HSPA4: variants seen among roughly 807,000 people sequenced by gnomAD.
HSPA4 encodes the protein heat shock 70 kDa protein 4.
HSPA4 carries 25 observed loss-of-function variants against 106.2 expected under a neutral mutation model. The ratio of observed to expected loss-of-function variants is 0.24; its 90% confidence interval spans 0.17 to 0.33. The LOEUF is 0.33. HSPA4 is among the 10% of genes least tolerant of loss of function. HSPA4 has a pLI of 1.00. For synonymous variants in HSPA4, 332 were observed against 333.6 expected (o/e 1.00, Z 0.05); for missense variants, 841 against 996.0 (o/e 0.84, Z 2.10).
chr5:133,075,594 T>A (rs1324484199), intron 6 of HSPA4, among the ~76,000 whole-genome samples: 1 of 152,060 alleles, frequency 6.6e-6, no homozygotes, highest in Non-Finnish European at 1.5e-5. Flanking sequence ...CTCTGGAGGC[T>A]GAGGTGGGGG....
Position 133,089,575 on chromosome 5 carries a change from T to G in HSPA4, c.1258T>G (p.Phe420Val). 1 of 1,613,282 alleles carries G rather than the reference T, an allele frequency of 6.2e-7. No individual in the cohort carries two copies. The highest frequency in any genetic ancestry group is 2.2e-5 in the East Asian group (1 of 44,874). ...AEEGSSDCEV[F>V]SKNHAAPFSK... is the part of the protein sequence containing the mutation. ...TCCTCCATTCAGTGACTGTGAAGTC[T>G]TTTCCAAAAATCATGCTGCTCCTTT... is the stretch of plus-strand genomic sequence containing the variant. The change falls in exon 11 of 19, where the codon TTT becomes GTT. Residue 420 changes from phenylalanine (F) to valine (V), a missense_variant. By Grantham distance (50) the Phe-to-Val change is conservative. This residue lies in a region of HSPA4 where 162 missense variants were observed against 177.7 expected (regional missense o/e 0.91). Transcript: ENST00000304858.
intron 4 of HSPA4, among the ~76,000 whole-genome samples, chr5:133,072,653 C>T (rs900556948): frequency 6.6e-6 from 1 of 151,446 alleles, no homozygotes; most frequent in Non-Finnish European, 1.5e-5. Context: ...GTGATCCACC[C>T]ACCACGGCCC....
intron 1 of HSPA4, among the ~76,000 whole-genome samples, chr5:133,060,250 A>G (rs1257435324): frequency 3.3e-5 from 5 of 151,972 alleles, no homozygotes; most frequent in African/African-American, 9.7e-5. Context: ...GCATTGACCT[A>G]TGTTCTAGTG....
chr5:133,103,694 A>C (rs1162027149), intron 17 of HSPA4, among the ~76,000 whole-genome samples, 171 bp from the exon 18 acceptor site: 1 of 152,152 alleles, frequency 6.6e-6, no homozygotes. Context: ...GAGTGTATTC[A>C]AAAATTGTGG....
chr5:133,056,147 C>G (rs1765162628), intron 1 of HSPA4, among the ~76,000 whole-genome samples: 1 of 151,974 alleles, frequency 6.6e-6, no homozygotes, highest in Admixed American at 6.6e-5. Context: ...AGGATTTTAC[C>G]TTGGAGGTCA....
chr5:133,053,437 G>T (rs923355767), intron 1 of HSPA4, among the ~76,000 whole-genome samples: 1 of 150,666 alleles, frequency 6.6e-6, no homozygotes, highest in African/African-American at 2.4e-5. Flanking sequence ...GACCTCCCTG[G>T]CTCCTGGCTC....
At chr5:133,084,071 G>T (rs1376770259) in intron 7 of HSPA4, among the ~76,000 whole-genome samples, 1 of 152,074 alleles carries the variant, frequency 6.6e-6, no homozygotes, top group Non-Finnish European at 1.5e-5. Flanking sequence ...CCATTATTAT[G>T]AAATAGACCA....
intron 11 of HSPA4, 120 bp downstream of exon 11, chr5:133,089,815 A>G (rs1581477623): frequency 1.4e-6 from 1 of 703,862 alleles, no homozygotes; most frequent in East Asian, 2.8e-5. Flanking sequence ...GGAGTTCGAG[A>G]TCAGCCTGGG....
At position 133,073,257 on chromosome 5, in the gene HSPA4, A is replaced by G; in HGVS notation, c.457A>G (p.Arg153Gly). 6.2e-7 allele frequency: 1 copy of G among 1,609,846 alleles called. No individual in the cohort carries two copies. The highest frequency in any genetic ancestry group is 1.1e-5 in the South Asian group (1 of 90,342). ...TCCTTGTTTCTATACTGATGCAGAA[A>G]GACGATCAGTGATGGATGCAACACA... ...SVPCFYTDAE[R>G]RSVMDATQIA... The change falls in exon 5 of 19, where the codon AGA becomes GGA. Residue 153 changes from arginine to glycine, a missense_variant. Coordinates refer to ENST00000304858, the MANE Select transcript of HSPA4 (RefSeq NM_002154.4).
At position 133,100,039 on chromosome 5, in the gene HSPA4, ATTTT is replaced by A. The variant is rs527779744; in HGVS notation, c.2037+388_2037+391del. Among the ~76,000 whole-genome samples the A allele has an allele frequency of 1.8e-4, 27 of 151,832 alleles. 1 individual carries two copies. In the Middle Eastern group the frequency reaches 0.01, roughly 57 times the overall value. On this transcript the variant is annotated intron_variant, in intron 16 of 18. Transcript: ENST00000304858. ...AGCATCTGGTGGTTTATTTTTTATT[ATTTT>A]ATTTATTTATTATTTATTTATTCAT...
chr5:133,062,596 A>C (rs1765257801), intron 1 of HSPA4, among the ~76,000 whole-genome samples: 1 of 152,132 alleles, frequency 6.6e-6, no homozygotes, highest in Non-Finnish European at 1.5e-5. Context: ...TCTAGTGTCT[A>C]AAACAGAGAT....
At chr5:133,090,541 A>C (rs567857457) in intron 11 of HSPA4, among the ~76,000 whole-genome samples, 3 of 152,082 alleles carry the variant, frequency 2.0e-5, no homozygotes, top group African/African-American at 7.2e-5. Context: ...GAGTAGTTAT[A>C]GACTCTGGGA....
At chr5:133,057,971 T>C (rs1255132319) in intron 1 of HSPA4, among the ~76,000 whole-genome samples, 1 of 152,190 alleles carries the variant, frequency 6.6e-6, no homozygotes, top group Non-Finnish European at 1.5e-5. Context: ...TAAAATACCA[T>C]GTTCAAAGGA....
chr5:133,087,423 A>C (rs1206148089), intron 8 of HSPA4, among the ~76,000 whole-genome samples: 1 of 152,178 alleles, frequency 6.6e-6, no homozygotes, highest in Non-Finnish European at 1.5e-5. Flanking sequence ...CTCTTTAGTG[A>C]TGATGGCAAA....
chr5:133,078,236 G>T (rs1245620203), intron 7 of HSPA4, among the ~76,000 whole-genome samples: 1 of 152,108 alleles, frequency 6.6e-6, no homozygotes, highest in Admixed American at 6.6e-5. Context: ...GGAGGCTGAG[G>T]CAGGGGAATG....
chr5:133,102,127 A>T (rs1250634043), intron 17 of HSPA4, among the ~76,000 whole-genome samples: 3 of 152,148 alleles, frequency 2.0e-5, no homozygotes, highest in Middle Eastern at 3.4e-3. Flanking sequence ...GAGTTTTGCC[A>T]TGTTGGCCAG....
At chr5:133,070,966 T>G (rs1261980788) in intron 4 of HSPA4, among the ~76,000 whole-genome samples, 1 of 152,172 alleles carries the variant, frequency 6.6e-6, no homozygotes, top group Non-Finnish European at 1.5e-5. Flanking sequence ...GCTTAGCTTT[T>G]GCTCAGGCCT....
intron 7 of HSPA4, among the ~76,000 whole-genome samples, chr5:133,078,779 G>A (rs764682027): frequency 6.6e-6 from 1 of 151,986 alleles, no homozygotes; most frequent in Non-Finnish European, 1.5e-5. Flanking sequence ...TGTCACCTAG[G>A]CTGGAGTGTA....
chr5:133,070,192 A>AT (rs1285025510), intron 3 of HSPA4, among the ~76,000 whole-genome samples, 182 bp from the exon 4 acceptor site: 33 of 151,986 alleles, frequency 2.2e-4, no homozygotes, highest in Non-Finnish European at 3.8e-4. Flanking sequence ...AATAATAATA[A>AT]AAAAAGAAGC....
Sources: allele counts gnomAD v4.1 joint callset (sites outside exome capture counted in the v4.1 genomes callset), GRCh38; gene constraint gnomAD v4.1.1; regional missense constraint gnomAD v4.1.1; transcripts MANE v1.5; gene names NCBI Gene and HGNC (gene_info 2026-07-23, HGNC 2026-07-21).